Variants in ADGRL3 observed in about 807,000 individuals in gnomAD.
ADGRL3 encodes the protein calcium-independent alpha-latrotoxin receptor 3.
Under a neutral mutation model 153.5 loss-of-function variants are expected in ADGRL3, and 62 were observed. That is an observed-to-expected ratio of 0.40 (90% CI 0.33 to 0.50). ADGRL3 has a LOEUF of 0.50. Ranked by LOEUF, ADGRL3 falls within the 20% of genes least tolerant of loss-of-function variation. The pLI is 0.47. For missense variants in ADGRL3, 1,641 were observed against 1,859.4 expected (o/e 0.88, Z 2.16); for synonymous variants, 710 against 672.5 (o/e 1.06, Z -0.86).
chr4:61,756,578 C>G (rs1309470467), intron 8 of ADGRL3, among the ~76,000 whole-genome samples: 3 of 152,132 alleles, frequency 2.0e-5, no homozygotes, highest in Non-Finnish European at 2.9e-5. Flanking sequence ...GGGACAATTT[C>G]ACTTCCTCTT....
At chr4:61,412,147 T>C (rs542511577) in intron 2 of ADGRL3, among the ~76,000 whole-genome samples, 33 of 152,266 alleles carry the variant, frequency 2.2e-4, no homozygotes, top group African/African-American at 7.7e-4. Context: ...TGTAGTGGCA[T>C]GAACACAACT....
intron 1 of ADGRL3, chr4:61,212,216 A>G (rs543587844): frequency 6.6e-6 from 1 of 152,338 alleles, no homozygotes; most frequent in Admixed American, 6.5e-5. Flanking sequence ...ACAGCATAAA[A>G]TAAATGCAAA....
Position 61,517,360 on chromosome 4 carries a change from G to T in ADGRL3, c.101G>T (p.Arg34Leu), listed in dbSNP as rs1381096370. ...ERHPALAAPLRHAERSPGGAL... is the reference protein window; with the variant it reads ...ERHPALAAPLLHAERSPGGAL... ...CATCCTGCCCTTGCTGCTCCATTGC[G>T]ACACGCTGAGCGCAGCCCAGGAGGC... The change falls in exon 4 of 27, where the codon CGA becomes CTA. Residue 34 changes from arginine (R) to leucine (L), a missense_variant. Transcript: ENST00000683033. The T allele has an allele frequency of 5.7e-6, 4 of 706,394 alleles. No individual in the cohort carries two copies. The highest frequency in any genetic ancestry group is 5.4e-5 in the East Asian group (2 of 37,300). 43.8% of individuals were successfully genotyped at this position (706,394 alleles called of 1,614,324 possible).
intron 9 of ADGRL3, among the ~76,000 whole-genome samples, chr4:61,839,940 AC>A (rs2098002541): frequency 6.7e-6 from 1 of 148,622 alleles, no homozygotes; most frequent in African/African-American, 2.5e-5. Context: ...ACAGAGCAAG[AC>A]CCCCATCTTA....
intron 6 of ADGRL3, chr4:61,677,247 C>T: frequency 3.2e-6 from 1 of 314,714 alleles, no homozygotes; most frequent in Non-Finnish European, 6.1e-6. Context: ...TTCTCCAGGT[C>T]CAAGCAGATA....
chr4:61,800,003 G>A (rs4493573), intron 8 of ADGRL3, among the ~76,000 whole-genome samples: 84,451 of 152,026 alleles, frequency 0.56, 24,998 homozygotes, highest in African/African-American at 0.75. Context: ...TGCAATTAGC[G>A]CACAAGTCTT....
intron 4 of ADGRL3, among the ~76,000 whole-genome samples, chr4:61,527,802 G>C (rs1310034586): frequency 6.6e-6 from 1 of 152,056 alleles, no homozygotes; most frequent in Non-Finnish European, 1.5e-5. Context: ...GCAATATAGC[G>C]AGGAGACAAT....
At chr4:61,737,809 A>AAGTT (rs2096536711) in intron 8 of ADGRL3, among the ~76,000 whole-genome samples, 1 of 152,176 alleles carries the variant, frequency 6.6e-6, no homozygotes, top group Non-Finnish European at 1.5e-5. Context: ...TTCGTATTAC[A>AAGTT]AGTTAATCAC....
intron 4 of ADGRL3, among the ~76,000 whole-genome samples, chr4:61,519,562 G>A (rs1330215918): frequency 6.6e-6 from 1 of 152,142 alleles, no homozygotes; most frequent in African/African-American, 2.4e-5. Context: ...GGTCATCTTA[G>A]AATATTCCCT....
intron 2 of ADGRL3, among the ~76,000 whole-genome samples, chr4:61,422,742 T>C (rs2097221255): frequency 6.6e-6 from 1 of 151,962 alleles, no homozygotes; most frequent in South Asian, 2.1e-4. Flanking sequence ...TAGTTTTCAC[T>C]TACATAAAAT....
intron 3 of ADGRL3, among the ~76,000 whole-genome samples, chr4:61,509,751 A>T (rs2152864727): frequency 1.3e-5 from 2 of 152,250 alleles, no homozygotes; most frequent in African/African-American, 2.4e-5. Flanking sequence ...TCTTTTTGGT[A>T]GAATAATTTA....
intron 6 of ADGRL3, among the ~76,000 whole-genome samples, chr4:61,718,733 A>G (rs1289059399): frequency 2.6e-5 from 4 of 152,142 alleles, no homozygotes; most frequent in African/African-American, 7.2e-5. Flanking sequence ...TTCCTTCCTT[A>G]ATGATCTCAC....
At chr4:61,458,811 G>T (rs888222114) in intron 2 of ADGRL3, among the ~76,000 whole-genome samples, 1 of 151,390 alleles carries the variant, frequency 6.6e-6, no homozygotes, top group African/African-American at 2.4e-5. Flanking sequence ...ATGTTCTCTA[G>T]ATAATTTATT....
intron 1 of ADGRL3, among the ~76,000 whole-genome samples, chr4:61,256,947 A>G (rs2092026483): frequency 6.6e-6 from 1 of 152,100 alleles, no homozygotes; most frequent in Admixed American, 6.5e-5. Context: ...GAGGTCTTTT[A>G]TGCACATACT....
chr4:61,892,824 C>T lies in ADGRL3; in HGVS notation c.1649C>T (p.Thr550Ile). ...PAVEVLDDMT[T>I]HLPSASSQIP... ...GTCGAGGTACTTGATGACATGACCA[C>T]ACACCTTCCATCAGCATCGTCCCAA... The change falls in exon 10 of 27, where the codon ACA becomes ATA. Residue 550 changes from threonine (T) to isoleucine (I), a missense_variant. Transcript: ENST00000683033. 4 of 1,613,826 alleles carry T rather than the reference C, an allele frequency of 2.5e-6. No individual in the cohort carries two copies. Among genetic ancestry groups the T allele is most frequent in the Non-Finnish European group, 3.4e-6 (4 of 1,179,844 alleles).
intron 1 of ADGRL3, among the ~76,000 whole-genome samples, chr4:61,205,416 G>C (rs900808776): frequency 6.6e-6 from 1 of 152,084 alleles, no homozygotes; most frequent in Non-Finnish European, 1.5e-5. Context: ...AGAGTAGTTG[G>C]AATTTAAAAA....
chr4:61,385,393 A>G (rs2151942579), intron 2 of ADGRL3: 1 of 152,458 alleles, frequency 6.6e-6, no homozygotes, highest in Non-Finnish European at 1.5e-5. Context: ...TTGTCTCACC[A>G]CATATGTAAT....
At chr4:61,862,050 A>G (rs1201623350) in intron 9 of ADGRL3, among the ~76,000 whole-genome samples, 2 of 152,204 alleles carry the variant, frequency 1.3e-5, no homozygotes, top group African/African-American at 2.4e-5. Flanking sequence ...CTTTGGGAAC[A>G]TTCTACTGGC....
At chr4:61,267,466 G>A (rs992856173) in intron 1 of ADGRL3, among the ~76,000 whole-genome samples, 1 of 151,616 alleles carries the variant, frequency 6.6e-6, no homozygotes, top group Non-Finnish European at 1.5e-5. Flanking sequence ...AGAAAGTTGA[G>A]GAAGCACAGA....
Sources: gnomAD v4.1 joint callset for allele counts (sites outside exome capture counted in the v4.1 genomes callset) on GRCh38, gnomAD v4.1.1 for gene constraint, MANE v1.5 for transcripts, NCBI Gene and HGNC (gene_info 2026-07-23, HGNC 2026-07-21) for gene names.